The following EPHA10 variants were observed in gnomAD, a reference collection of about 807,000 sequenced individuals.
The protein encoded by EPHA10 is EPH receptor A10.
A neutral mutation model predicts 109.7 loss-of-function variants in EPHA10; 120 were observed. The ratio of observed to expected loss-of-function variants is 1.09; its 90% CI spans 0.94 to 1.27. The LOEUF (loss-of-function observed/expected upper bound fraction) is 1.27, where lower values mean the gene tolerates loss of function less well. Ranked by LOEUF, EPHA10 falls within the 50% of genes most tolerant of loss-of-function variation. The pLI, the probability that EPHA10 is intolerant of heterozygous loss-of-function variation, is 0.00. For missense variants in EPHA10, 1,396 were observed against 1,411.1 expected, an observed-to-expected ratio of 0.99 and a Z score of 0.17; for synonymous variants, 640 against 618.9, an observed-to-expected ratio of 1.03 and a Z score of -0.51.
rs1317575557 is a variant in EPHA10 at position 37,717,038 on chromosome 1, C to T, written c.*1334G>A. ...TCCTCTTTCCCGCCCCATCCCACCCCACCAACACACAGCCAAGCAGAGCAG... is the reference window on the plus strand; with the variant it reads ...TCCTCTTTCCCGCCCCATCCCACCCTACCAACACACAGCCAAGCAGAGCAG... On this transcript the variant is annotated 3_prime_UTR_variant, in exon 17 of 17. Transcript: ENST00000373048. The T allele has an allele frequency of 8.7e-6, 2 of 230,958 alleles. No homozygotes were observed. Among genetic ancestry groups the T allele is most frequent in the Admixed American group, 5.7e-5 (1 of 17,676 alleles). 14.3% of individuals were successfully genotyped at this position (230,958 alleles called of 1,614,324 possible). A position where few individuals can be genotyped will look rare whatever the true frequency, so the allele number is the denominator to read the frequency against.
chr1:37,753,873 G>C (rs1296452637), intron 4 of EPHA10, among the ~76,000 whole-genome samples: 4 of 152,024 alleles, frequency 2.6e-5, no homozygotes, highest in Admixed American at 2.6e-4. Flanking sequence ...GGACCGAACC[G>C]ATGGTGCGAA....
rs566112819 is a variant in EPHA10 at position 37,726,448 on chromosome 1, G to A, written c.1772+654C>T. Among the ~76,000 whole-genome samples, 3 of 152,336 alleles carry A rather than the reference G, an allele frequency of 2.0e-5. No homozygotes were observed. The East Asian group carries it at 5.8e-4, about 29-fold the overall frequency. ...ATGCTGAGATGTGGCTCCCCAGCCCGCCCAGCCTGGGACCCATCTGGGCGA... is the reference window on the plus strand; with the variant it reads ...ATGCTGAGATGTGGCTCCCCAGCCCACCCAGCCTGGGACCCATCTGGGCGA... On this transcript the variant is annotated intron_variant, in intron 8 of 16. Coordinates refer to ENST00000373048, the MANE Select transcript of EPHA10 (RefSeq NM_001099439.2).
At chr1:37,740,375 G>A (rs762604634) in intron 5 of EPHA10, among the ~76,000 whole-genome samples, 3 of 152,034 alleles carry the variant, frequency 2.0e-5, no homozygotes, top group East Asian at 1.9e-4. Context: ...GCGGGATCTC[G>A]GCTCACTGCA....
chr1:37,736,517 G>A (rs987325364), intron 5 of EPHA10, among the ~76,000 whole-genome samples: 2 of 142,626 alleles, frequency 1.4e-5, no homozygotes, highest in Non-Finnish European at 3.0e-5. Context: ...AGACCATCCT[G>A]GCCAACATGG....
At chr1:37,761,175 C>T in intron 3 of EPHA10, 2 of 1,441,494 alleles carry the variant, frequency 1.4e-6, no homozygotes, top group South Asian at 3.1e-5. Flanking sequence ...AGATATAGAT[C>T]CCTAATGCCT....
At position 37,753,204 on chromosome 1, in the gene EPHA10, G is replaced by A; in HGVS notation, c.1029C>T (p.Asp343=). The A allele has an allele frequency of 1.5e-6, 2 of 1,343,078 alleles. No homozygotes were observed. Among genetic ancestry groups the A allele is most frequent in the Non-Finnish European group, 1.9e-6 (2 of 1,051,712 alleles). 83.2% of individuals were successfully genotyped at this position (1,343,078 alleles called of 1,614,324 possible). A position where few individuals can be genotyped will look rare whatever the true frequency, so the allele number is the denominator to read the frequency against. Residue 343 remains aspartate (D), a synonymous_variant, in exon 5 of 17, where the codon GAC becomes GAT. Transcript: ENST00000373048. Reference sequence around the variant, plus strand: ...GCGAGCGGCTCAGGCTGTACTGCAGGTCCCGCGGCGCCGACGGCGGCCCTG... The same window carrying A: ...GCGAGCGGCTCAGGCTGTACTGCAGATCCCGCGGCGCCGACGGCGGCCCTG... The part of the protein sequence containing the change: ...SCTRPPSAPR[D]LQYSLSRSPL...
Position 37,722,410 on chromosome 1 carries a change from T to A in EPHA10, c.1961-565A>T, listed in dbSNP as rs369729172. 95 of 225,602 alleles carry A rather than the reference T, an allele frequency of 4.2e-4. 3 individuals carry two copies. In the South Asian group the frequency reaches 5.1e-3, roughly 12 times the overall value. The allele number at this position is 225,602 out of a possible 1,614,324, so 14.0% of individuals were successfully genotyped here. On this transcript the variant is annotated intron_variant, in intron 10 of 16. Coordinates refer to ENST00000373048, the MANE Select transcript of EPHA10 (RefSeq NM_001099439.2). Reference sequence around the variant, plus strand: ...CCACCCTGCCCCTTTCCGGCTTCTGTCCAGCGGGTCTGGAGACAGTGTCAG... The same window carrying A: ...CCACCCTGCCCCTTTCCGGCTTCTGACCAGCGGGTCTGGAGACAGTGTCAG...
At chr1:37,741,512 C>T (rs1303853246) in intron 5 of EPHA10, among the ~76,000 whole-genome samples, 1 of 152,084 alleles carries the variant, frequency 6.6e-6, no homozygotes, top group East Asian at 1.9e-4. Flanking sequence ...CCAATTAAAA[C>T]ATAAAGACAC....
chr1:37,750,987 C>T (rs1384880164), intron 5 of EPHA10, among the ~76,000 whole-genome samples: 1 of 151,528 alleles, frequency 6.6e-6, no homozygotes, highest in African/African-American at 2.4e-5. Context: ...GGACAGATCA[C>T]GAGCTCAGGA....
chr1:37,730,212 C>T (rs982301680), intron 7 of EPHA10, among the ~76,000 whole-genome samples: 2 of 152,200 alleles, frequency 1.3e-5, no homozygotes, highest in African/African-American at 4.8e-5. Flanking sequence ...TTTTTGCATT[C>T]AGGCGAGAAG....
chr1:37,746,724 C>T (rs780465203), intron 5 of EPHA10, among the ~76,000 whole-genome samples: 7 of 152,158 alleles, frequency 4.6e-5, no homozygotes, highest in Non-Finnish European at 1.0e-4. Context: ...CAATGTCTAT[C>T]AACTGATGAA....
chr1:37,715,695 C>T (rs1051168285), downstream of EPHA10, among the ~76,000 whole-genome samples: 3 of 152,178 alleles, frequency 2.0e-5, no homozygotes, highest in African/African-American at 7.2e-5. Context: ...CAAAGGACAC[C>T]ACCATGTCTC....
At position 37,764,431 on chromosome 1, in the gene EPHA10, G is replaced by C. The variant is rs190374668; in HGVS notation, c.106+530C>G. ...ACAGCCTCAAACCCGGCAACGCGGA[G>C]CGCGCCCGGCAGACTACGCTCAGAA... On this transcript the variant is annotated intron_variant, in intron 1 of 16. Transcript: ENST00000373048. This position sits in a 1 kb window ranked among gnomAD's most constrained non-coding sequence, Gnocchi z 5.8. 2.5e-4 allele frequency among the ~76,000 whole-genome samples: 38 copies of C among 152,364 alleles called. No individual in the cohort carries two copies. The East Asian group carries it at 7.3e-3, about 29-fold the overall frequency.
In EPHA10 at chr1:37,761,647, G is replaced by C; in HGVS notation, c.608C>G (p.Ser203Trp). 7 of 1,606,926 alleles carry C rather than the reference G, an allele frequency of 4.4e-6. No homozygotes were observed. The highest frequency in any genetic ancestry group is 2.2e-5 in the South Asian group (2 of 91,062). Residue 203 changes from serine (S) to tryptophan (W), a missense_variant, in exon 3 of 17, where the codon TCG (serine) becomes TGG (tryptophan). Transcript: ENST00000373048. Reference protein sequence around the residue: ...QDVGACVALVSVRVYYKQCRA... With the variant: ...QDVGACVALVWVRVYYKQCRA... ...GCACTGCTTGTAGTAGACGCGCACC[G>C]AGACAAGCGCCACGCATGCGCCCAC...
At position 37,755,948 on chromosome 1, in the gene EPHA10, CA is replaced by C. The variant is rs200882943; in HGVS notation, c.851-1579del. Reference sequence around the variant, plus strand: ...AACAGAAAGGGTGCAGACTAGCCCTCAGGAGGAACTTTCAGCCTGTGTGGCA... The same window carrying C: ...AACAGAAAGGGTGCAGACTAGCCCTCGGAGGAACTTTCAGCCTGTGTGGCA... On this transcript the variant is annotated intron_variant, in intron 3 of 16. Transcript: ENST00000373048. Among the ~76,000 whole-genome samples the C allele has an allele frequency of 1.6e-3, 243 of 152,286 alleles. 1 individual carries two copies. The East Asian group carries it at 0.021, about 13-fold the overall frequency.
chr1:37,736,671 G>C (rs1383062890), intron 5 of EPHA10, among the ~76,000 whole-genome samples: 1 of 151,974 alleles, frequency 6.6e-6, no homozygotes, highest in Non-Finnish European at 1.5e-5. Context: ...TCGCGCCACT[G>C]CACTCCAACC....
chr1:37,764,692 C>A lies in EPHA10; in HGVS notation c.106+269G>T, dbSNP rs1391324946. 6.6e-6 allele frequency among the ~76,000 whole-genome samples: 1 copy of A among 152,186 alleles called. No homozygotes were observed. Among genetic ancestry groups the A allele is most frequent in the Non-Finnish European group, 1.5e-5 (1 of 68,014 alleles). ...CACTCAGCTTGTCCGTCTCACCGGCCGCTGGACCGCCGCCTCTGGCTCCCG... is the reference window on the plus strand; with the variant it reads ...CACTCAGCTTGTCCGTCTCACCGGCAGCTGGACCGCCGCCTCTGGCTCCCG... On this transcript the variant is annotated intron_variant, in intron 1 of 16. Transcript: ENST00000373048. This position sits in a 1 kb window ranked among gnomAD's most constrained non-coding sequence, Gnocchi z 5.8.
chr1:37,718,437 G>C lies in EPHA10; in HGVS notation c.2962C>G (p.Leu988Val). Reference protein sequence around the residue: ...ISLAEHREALLSGISALQARV... With the variant: ...ISLAEHREALVSGISALQARV... ...GCCTGCAGGGCGCTGATCCCGCTGA[G>C]GAGGGCCTCTCGATGTTCAGCCAAA... The change falls in exon 17 of 17, where the codon CTC becomes GTC. Residue 988 changes from leucine to valine, a missense_variant. By Grantham distance (32) the Leu-to-Val change is conservative. Transcript: ENST00000373048. The C allele has an allele frequency of 6.2e-7, 1 of 1,613,476 alleles. No homozygotes were observed. Among genetic ancestry groups the C allele is most frequent in the East Asian group, 2.2e-5 (1 of 44,886 alleles).
Position 37,758,169 on chromosome 1 carries a change from C to CT in EPHA10, c.850+3235dup, listed in dbSNP as rs140558318. Among the ~76,000 whole-genome samples the CT allele has an allele frequency of 7.2e-3, 1,103 of 152,284 alleles. 15 individuals carry two copies. Among genetic ancestry groups the CT allele is most frequent in the African/African-American group, 0.025 (1,038 of 41,532 alleles). On this transcript the variant is annotated intron_variant, in intron 3 of 16. Transcript: ENST00000373048. ...ATAAAACTGACTAAAATCTGGCCTG[C>CT]TTTTTTATTAGCAAAATGCATCAGC...
Sources: gnomAD v4.1 joint callset for allele counts (sites outside exome capture counted in the v4.1 genomes callset) on GRCh38, gnomAD v4.1.1 for gene constraint, Gnocchi (gnomAD v3.1) non-coding constraint, MANE v1.5 for transcripts, NCBI Gene and HGNC (gene_info 2026-07-23, HGNC 2026-07-21) for gene names.